Variants in OSBPL3 observed in about 807,000 individuals in gnomAD.
OSBPL3 encodes oxysterol binding protein like 3.
OSBPL3 carries 65 observed loss-of-function variants against 120.1 expected under a neutral mutation model. The observed-to-expected ratio is 0.54, with a 90% CI of 0.44 to 0.67. The LOEUF (loss-of-function observed/expected upper bound fraction) is 0.67. Ranked by LOEUF, OSBPL3 falls within the 30% of genes least tolerant of loss-of-function variation. The pLI, the probability that OSBPL3 is intolerant of heterozygous loss-of-function variation, is 0.00. For synonymous variants in OSBPL3, 416 were observed against 402.6 expected, an observed-to-expected ratio of 1.03 and a Z score of -0.40; for missense variants, 1,004 against 1,082.1, an observed-to-expected ratio of 0.93 and a Z score of 1.01.
intron 10 of OSBPL3, among the ~76,000 whole-genome samples, chr7:24,858,591 T>C (rs1158968335): frequency 6.6e-6 from 1 of 152,238 alleles, no homozygotes; most frequent in Non-Finnish European, 1.5e-5. Flanking sequence ...GTGGAATTTG[T>C]TGTCTGTAAG....
rs369261584 is a variant in OSBPL3 at position 24,863,487 on chromosome 7, C to T, written c.777+9G>A. ...GCCAGAATGTCAACAGAAGAGGAGT[C>T]CGGCTCACCTGGATGGCGTTGATAG... On this transcript the variant is annotated intron_variant, in intron 8 of 22. Transcript: ENST00000313367. This position sits in a 1 kb window ranked among gnomAD's most constrained non-coding sequence, Gnocchi z 5.8. 4 of 1,602,472 alleles carry T rather than the reference C, an allele frequency of 2.5e-6. No individual in the cohort carries two copies. The highest frequency in any genetic ancestry group is 2.7e-5 in the African/African-American group (2 of 74,634).
intron 14 of OSBPL3, among the ~76,000 whole-genome samples, chr7:24,837,496 G>A (rs1420298100): frequency 1.3e-5 from 2 of 152,122 alleles, no homozygotes; most frequent in Non-Finnish European, 2.9e-5. Flanking sequence ...GAGCCACTGT[G>A]CCTTGCCTGT....
chr7:24,967,051 T>C lies in OSBPL3; in HGVS notation c.-150+12835A>G, dbSNP rs1470951743. 1.3e-5 allele frequency among the ~76,000 whole-genome samples: 2 copies of C among 152,142 alleles called. No individual in the cohort carries two copies. The highest frequency in any genetic ancestry group is 2.9e-5 in the Non-Finnish European group (2 of 67,974). On this transcript the variant is annotated intron_variant, in intron 1 of 22. Coordinates refer to ENST00000313367, the MANE Select transcript of OSBPL3 (RefSeq NM_015550.4). This position sits in a 1 kb window ranked among gnomAD's most constrained non-coding sequence, Gnocchi z 5.6. ...ACTGAATTTGCATGAGCCATCACAA[T>C]GCCTGTTTGCAGACACTCTAAATCT... is the stretch of plus-strand genomic sequence containing the variant.
intron 14 of OSBPL3, among the ~76,000 whole-genome samples, chr7:24,838,881 TTCTTCAAACCCACTGGTTCTTA>T (rs1797340676): frequency 6.7e-6 from 1 of 148,178 alleles, no homozygotes; most frequent in Non-Finnish European, 1.5e-5. Context: ...TTTGGCCTTC[TTCTTCAAACCCACTGGTTCTTA>T]GACCTTTCCA....
At chr7:24,832,729 C>T (rs562302734) in intron 15 of OSBPL3, among the ~76,000 whole-genome samples, 58 of 152,052 alleles carry the variant, frequency 3.8e-4, no homozygotes, top group Non-Finnish European at 7.4e-4. Flanking sequence ...ATGAAAGAAC[C>T]TAGTGCCATT....
At chr7:24,957,717 G>A (rs1057037838) in intron 1 of OSBPL3, among the ~76,000 whole-genome samples, 2 of 152,094 alleles carry the variant, frequency 1.3e-5, no homozygotes, top group Non-Finnish European at 2.9e-5. Context: ...GTTACTGTGA[G>A]AACAGCAACC....
At position 24,827,433 on chromosome 7, in the gene OSBPL3, C is replaced by T. The variant is rs140049146; in HGVS notation, c.1884+3335G>A. ...GGCCAGGGAAAGGGAGGCCCTGGCC[C>T]TACACCCTTCCCACTTCTAGGGCAG... On this transcript the variant is annotated intron_variant, in intron 16 of 22. Transcript: ENST00000313367. This position sits in a 1 kb window ranked among gnomAD's most constrained non-coding sequence, Gnocchi z 5.1. 2.6e-5 allele frequency among the ~76,000 whole-genome samples: 4 copies of T among 152,354 alleles called. No homozygotes were observed. The highest frequency in any genetic ancestry group is 9.6e-5 in the African/African-American group (4 of 41,590).
Position 24,896,497 on chromosome 7 carries a change from T to A in OSBPL3, c.-149-3876A>T, listed in dbSNP as rs373853605. On this transcript the variant is annotated intron_variant, in intron 1 of 22. Coordinates refer to ENST00000313367, the MANE Select transcript of OSBPL3 (RefSeq NM_015550.4). This position sits in a 1 kb window ranked among gnomAD's most constrained non-coding sequence, Gnocchi z 4.4. ...AGAGAACCCTGATTTCTACCCAGAA[T>A]GGGGAAGAATAAATGACCAACGCAC... is the stretch of plus-strand genomic sequence containing the variant. Among the ~76,000 whole-genome samples, 1 of 152,150 alleles carries A rather than the reference T, an allele frequency of 6.6e-6. No individual in the cohort carries two copies. The highest frequency in any genetic ancestry group is 1.5e-5 in the Non-Finnish European group (1 of 68,010).
rs1443699482 is a variant in OSBPL3 at position 24,798,867 on chromosome 7, T to C, written c.*1316A>G. ...TAACAATTAGGCTTTGGTTTTAATG[T>C]CATCTGGACAGAAGTTGGACATGCT... On this transcript the variant is annotated 3_prime_UTR_variant, in exon 23 of 23. Coordinates refer to ENST00000313367, the MANE Select transcript of OSBPL3 (RefSeq NM_015550.4). The surrounding 1 kb of genome is among the most constrained non-coding windows in gnomAD (Gnocchi z 4.6). The C allele has an allele frequency of 6.6e-6, 1 of 152,666 alleles. No homozygotes were observed. The highest frequency in any genetic ancestry group is 1.5e-5 in the Non-Finnish European group (1 of 68,036). The allele number at this position is 152,666 out of a possible 1,614,324, so 9.5% of individuals were successfully genotyped here. A position where few individuals can be genotyped will look rare whatever the true frequency, so the allele number is the denominator to read the frequency against.
At chr7:24,949,026 C>A (rs1814072004) in intron 1 of OSBPL3, among the ~76,000 whole-genome samples, 1 of 152,092 alleles carries the variant, frequency 6.6e-6, no homozygotes, top group South Asian at 2.1e-4. Flanking sequence ...TTTATTTTTC[C>A]TTTGTAAACT....
In OSBPL3 at chr7:24,817,758, C is replaced by T. The variant is rs989113505; in HGVS notation, c.1949-1070G>A. 5.9e-5 allele frequency among the ~76,000 whole-genome samples: 9 copies of T among 152,072 alleles called. No individual in the cohort carries two copies. The highest frequency in any genetic ancestry group is 5.8e-4 in the East Asian group (3 of 5,198). On this transcript the variant is annotated intron_variant, in intron 17 of 22. Coordinates refer to ENST00000313367, the MANE Select transcript of OSBPL3 (RefSeq NM_015550.4). The surrounding 1 kb of genome is among the most constrained non-coding windows in gnomAD (Gnocchi z 4.0). ...ATGAAGGGAACCAAGACAACAGACG[C>T]GGGGAAGTGAGTGAGCCCAGAAATA... is the stretch of plus-strand genomic sequence containing the variant.
In OSBPL3 at chr7:24,805,743, T is replaced by C. The variant is rs569054609; in HGVS notation, c.2444+1033A>G. On this transcript the variant is annotated intron_variant, in intron 21 of 22. Coordinates refer to ENST00000313367, the MANE Select transcript of OSBPL3 (RefSeq NM_015550.4). This position sits in a 1 kb window ranked among gnomAD's most constrained non-coding sequence, Gnocchi z 4.0. ...TTACAGCTGACATACGTAAACTGTT[T>C]CACATCTCTTTTAGGCATTTGCTAA... Among the ~76,000 whole-genome samples, 14 of 152,330 alleles carry C rather than the reference T, an allele frequency of 9.2e-5. 1 individual carries two copies. The East Asian group carries it at 2.7e-3, about 29-fold the overall frequency.
chr7:24,925,026 G>C (rs192818728), intron 1 of OSBPL3, among the ~76,000 whole-genome samples: 1 of 152,144 alleles, frequency 6.6e-6, no homozygotes, highest in Non-Finnish European at 1.5e-5. Flanking sequence ...TCTGCTCTTT[G>C]TAAGAGCCAG....
chr7:24,870,882 G>A, intron 4 of OSBPL3, 37 bp from the exon 5 acceptor site: 2 of 1,345,126 alleles, frequency 1.5e-6, no homozygotes, highest in Non-Finnish European at 2.1e-6. Context: ...GGGGACCATG[G>A]TGTTAGAAGC....
intron 2 of OSBPL3, among the ~76,000 whole-genome samples, chr7:24,889,674 T>C (rs965656123): frequency 2.0e-5 from 3 of 152,056 alleles, no homozygotes; most frequent in African/African-American, 7.3e-5. Flanking sequence ...AAATGTGAAG[T>C]ATACTGTAGA....
chr7:24,806,985 C>T lies in OSBPL3; in HGVS notation c.2318-83G>A. On this transcript the variant is annotated intron_variant, in intron 20 of 22. Transcript: ENST00000313367. The surrounding 1 kb of genome is among the most constrained non-coding windows in gnomAD (Gnocchi z 5.2). ...ATTCCTTCACCTTTTTCGTCTCAGCCTAGCTACAATTTTTCTCTCTCAGCT... is the reference window on the plus strand; with the variant it reads ...ATTCCTTCACCTTTTTCGTCTCAGCTTAGCTACAATTTTTCTCTCTCAGCT... The T allele has an allele frequency of 7.8e-7, 1 of 1,288,404 alleles. No homozygotes were observed. The highest frequency in any genetic ancestry group is 1.5e-5 in the African/African-American group (1 of 67,088). The allele number at this position is 1,288,404 out of a possible 1,614,324, so 79.8% of individuals were successfully genotyped here.
intron 1 of OSBPL3, among the ~76,000 whole-genome samples, chr7:24,979,222 G>A (rs982905568): frequency 1.3e-5 from 2 of 152,030 alleles, no homozygotes; most frequent in African/African-American, 4.8e-5. Context: ...GGACCAATGT[G>A]AGAGACACTG....
intron 1 of OSBPL3, among the ~76,000 whole-genome samples, chr7:24,929,556 T>C (rs1028909456): frequency 6.6e-5 from 10 of 152,282 alleles, no homozygotes; most frequent in South Asian, 6.2e-4. Context: ...AGAATTTGTA[T>C]ATTAATATAT....
rs1394440717 is a variant in OSBPL3, at chr7:24,959,225, G to GTATA, written c.-150+20657_-150+20660dup. Among the ~76,000 whole-genome samples the GTATA allele has an allele frequency of 1.3e-5, 2 of 151,938 alleles. No homozygotes were observed. ...TGTGACCCAGCAATTCTACTCCTTG[G>GTATA]TATATACTCAATAAAAACGCACACA... On this transcript the variant is annotated intron_variant, in intron 1 of 22. Transcript: ENST00000313367. The surrounding 1 kb of genome is among the most constrained non-coding windows in gnomAD (Gnocchi z 4.3).
Sources: gnomAD v4.1 joint callset for allele counts (sites outside exome capture counted in the v4.1 genomes callset) on GRCh38, gnomAD v4.1.1 for gene constraint, Gnocchi (gnomAD v3.1) non-coding constraint, MANE v1.5 for transcripts, NCBI Gene and HGNC (gene_info 2026-07-23, HGNC 2026-07-21) for gene names.